SCAP: variants seen among roughly 807,000 people sequenced by gnomAD.
SCAP encodes the protein SREBF chaperone, also known as sterol regulatory element-binding protein cleavage-activating protein.
SCAP carries 65 observed loss-of-function variants against 123.6 expected under a neutral mutation model. The observed-to-expected ratio is 0.53, with a 90% CI of 0.43 to 0.65. The LOEUF (loss-of-function observed/expected upper bound fraction) is 0.65. SCAP is among the 30% of genes least tolerant of loss of function. The probability of loss-of-function intolerance (pLI) is 0.00; values close to 1 mark genes in which losing one functional copy is unlikely to be tolerated. For missense variants in SCAP, 1,398 were observed against 1,712.5 expected, an observed-to-expected ratio of 0.82 and a Z score of 3.24; for synonymous variants, 740 against 726.3, an observed-to-expected ratio of 1.02 and a Z score of -0.30.
At chr3:47,426,422 T>A (rs973904906) in intron 6 of SCAP, among the ~76,000 whole-genome samples, 3 of 152,082 alleles carry the variant, frequency 2.0e-5, no homozygotes, top group African/African-American at 7.2e-5. Context: ...ACACTCTCTT[T>A]TTTATTTATT....
At chr3:47,438,601 G>C (rs1365019491) in intron 2 of SCAP, among the ~76,000 whole-genome samples, 1 of 152,012 alleles carries the variant, frequency 6.6e-6, no homozygotes, top group Non-Finnish European at 1.5e-5. Context: ...GTCACGTGAG[G>C]TCAGGAGTTC....
At chr3:47,415,761 TTAC>T (rs937006436) in intron 18 of SCAP, among the ~76,000 whole-genome samples, 2 of 152,148 alleles carry the variant, frequency 1.3e-5, no homozygotes, top group African/African-American at 4.8e-5. Flanking sequence ...GTTCAAAATC[TTAC>T]TGCAGGGAAA....
rs1390354017 is a variant in SCAP at position 47,424,011 on chromosome 3, A to G, written c.1072T>C (p.Leu358=). ...IFPYLVVVIG[L]ENVLVLTKSV... The stretch of plus-strand genomic sequence containing the variant: ...TTGGTGAGCACCAACACATTCTCTA[A>G]CCCAATAACCACCACAAGGTAGGGG... Residue 358 remains leucine (L), a synonymous_variant, in exon 9 of 23, where the codon TTA becomes CTA. Coordinates refer to ENST00000265565, the MANE Select transcript of SCAP (RefSeq NM_012235.4). The G allele has an allele frequency of 2.5e-6, 4 of 1,614,056 alleles. No homozygotes were observed. In the Admixed American group the frequency reaches 5.0e-5, roughly 20 times the overall value.
Position 47,425,523 on chromosome 3 carries a change from G to A in SCAP, c.999C>T (p.Leu333=), listed in dbSNP as rs192143308. 3 of 1,614,026 alleles carry A rather than the reference G, an allele frequency of 1.9e-6. No homozygotes were observed. Among genetic ancestry groups the A allele is most frequent in the Non-Finnish European group, 2.5e-6 (3 of 1,180,048 alleles). ...TGGGCGTCAGGCCGAAGAGTGTGCA[G>A]AGTCCCACAGACATGAGCAGCGAGC... ...VLSSLLMSVG[L]CTLFGLTPTL... The change falls in exon 8 of 23, where the codon CTC becomes CTT. Residue 333 remains leucine (L), a synonymous_variant. Transcript: ENST00000265565.
In SCAP at chr3:47,449,450, G is replaced by C. The variant is rs1284550964; in HGVS notation, c.-98-6359C>G. ...ATCAAGGATTCCCTCCATGCTCCTG[G>C]GACCACAGTCCCTTTAAATAGAAGA... On this transcript the variant is annotated intron_variant, in intron 1 of 22. Transcript: ENST00000265565. Among the ~76,000 whole-genome samples the C allele has an allele frequency of 1.6e-5, 2 of 124,108 alleles. 1 individual carries two copies. Among genetic ancestry groups the C allele is most frequent in the Non-Finnish European group, 3.6e-5 (2 of 56,186 alleles). 81.4% of individuals were successfully genotyped at this position (124,108 alleles called of 152,430 possible).
intron 1 of SCAP, among the ~76,000 whole-genome samples, chr3:47,443,972 G>A (rs547247172): frequency 1.1e-4 from 17 of 152,312 alleles, no homozygotes; most frequent in African/African-American, 3.8e-4. Flanking sequence ...CTGCTCCCAA[G>A]ATCCCCAGGC....
At chr3:47,422,381 C>G in intron 10 of SCAP, 61 bp downstream of exon 10, 1 of 1,473,912 alleles carries the variant, frequency 6.8e-7, no homozygotes, top group East Asian at 2.3e-5. Context: ...CATGGCTGCA[C>G]AGCTGGGGAG....
Position 47,418,212 on chromosome 3 carries a change from A to G in SCAP, c.2369T>C (p.Val790Ala). ...ECLASDGMLL[V>A]SCCLAGHVCV... is the part of the protein sequence containing the mutation. Reference sequence around the variant, plus strand: ...GACGTGGCCTGCCAGGCAGCAGCTCACCAGCAGCATGCCGTCGCTGGCCAG... The same window carrying G: ...GACGTGGCCTGCCAGGCAGCAGCTCGCCAGCAGCATGCCGTCGCTGGCCAG... The change falls in exon 16 of 23, where the codon GTG becomes GCG. Residue 790 changes from valine to alanine, a missense_variant. Physicochemically the swap from Val to Ala is moderately conservative, Grantham distance 64 (BLOSUM62 0). Transcript: ENST00000265565. 1 of 1,574,342 alleles carries G rather than the reference A, an allele frequency of 6.4e-7. No homozygotes were observed. Among genetic ancestry groups the G allele is most frequent in the African/African-American group, 1.4e-5 (1 of 74,008 alleles).
chr3:47,466,604 G>T (rs1379801469), intron 1 of SCAP, among the ~76,000 whole-genome samples: 1 of 152,136 alleles, frequency 6.6e-6, no homozygotes, highest in Non-Finnish European at 1.5e-5. Flanking sequence ...ACACGCAAAA[G>T]TGAAGTTGGA....
chr3:47,457,863 C>T (rs1213091735), intron 1 of SCAP, among the ~76,000 whole-genome samples: 2 of 152,026 alleles, frequency 1.3e-5, no homozygotes, highest in African/African-American at 4.8e-5. Flanking sequence ...GCTGAGATGG[C>T]GCCACTGCAC....
At chr3:47,443,262 A>T (rs1706879033) in intron 1 of SCAP, 171 bp from the exon 2 acceptor site, 8 of 249,920 alleles carry the variant, frequency 3.2e-5, no homozygotes, top group African/African-American at 1.5e-4. Context: ...ACACACACAC[A>T]CACACACACA....
rs375622474 is a variant in SCAP at position 47,423,940 on chromosome 3, G to T, written c.1143C>A (p.Ile381=). Residue 381 remains isoleucine, a synonymous_variant, in exon 9 of 23, where the codon ATC becomes ATA. Transcript: ENST00000265565. ...TPVDLEVKLR[I]AQGLSSESWS... ...ACTCTCCCACTGCGTTACCTTGGGC[G>T]ATCCGCAGCTTCACCTCCAGGTCTA... 3.8e-5 allele frequency: 61 copies of T among 1,613,210 alleles called. No homozygotes were observed. Among genetic ancestry groups the T allele is most frequent in the Middle Eastern group, 1.6e-4 (1 of 6,068 alleles).
At chr3:47,475,272 G>A (rs1559577857) in intron 1 of SCAP, among the ~76,000 whole-genome samples, 2 of 152,126 alleles carry the variant, frequency 1.3e-5, no homozygotes, top group Admixed American at 6.6e-5. Context: ...TAAATACTGA[G>A]GTCATAAACC....
chr3:47,414,463 G>T, intron 21 of SCAP, 77 bp from the exon 22 acceptor site: 1 of 1,586,638 alleles, frequency 6.3e-7, no homozygotes, highest in African/African-American at 1.3e-5. Context: ...GTGCCCCAGT[G>T]GGTGGGGCCC....
Position 47,414,274 on chromosome 3 carries a change from G to C in SCAP, c.3500C>G (p.Thr1167Ser). 1.2e-6 allele frequency: 2 copies of C among 1,613,544 alleles called. No individual in the cohort carries two copies. The highest frequency in any genetic ancestry group is 2.2e-5 in the South Asian group (2 of 91,088). The change falls in exon 22 of 23, where the codon ACC becomes AGC. Residue 1167 changes from threonine to serine, a missense_variant. Physicochemically the swap from Thr to Ser is moderately conservative, Grantham distance 58. Around this residue, in one of 7 missense-constraint regions of SCAP, gnomAD observed 130 missense variants for 166.7 expected, o/e 0.78. Coordinates refer to ENST00000265565, the MANE Select transcript of SCAP (RefSeq NM_012235.4). Reference sequence around the variant, plus strand: ...GCTGATGACACAGGAGGTGGTACAGGTAAGGGAGGTGACATCCCCACGGTG... The same window carrying C: ...GCTGATGACACAGGAGGTGGTACAGCTAAGGGAGGTGACATCCCCACGGTG... ...FAHRGDVTSL[T>S]CTTSCVISSG...
chr3:47,461,549 G>A (rs1707641167), intron 1 of SCAP, among the ~76,000 whole-genome samples: 1 of 152,162 alleles, frequency 6.6e-6, no homozygotes, highest in South Asian at 2.1e-4. Flanking sequence ...GGAGAGATGG[G>A]ATCCTCCAGC....
At chr3:47,476,792 C>G (rs1425293178), upstream of SCAP, 1 of 153,780 alleles carries the variant, frequency 6.5e-6, no homozygotes, top group African/African-American at 2.4e-5. Flanking sequence ...CAGCTCTGGC[C>G]CAACTAGAGA....
At chr3:47,416,987 T>C (rs1404888095) in intron 18 of SCAP, 135 bp downstream of exon 18, 7 of 748,668 alleles carry the variant, frequency 9.3e-6, no homozygotes, top group Non-Finnish European at 1.5e-5. Context: ...CTCACAGGTG[T>C]GGAGCTGGGC....
intron 3 of SCAP, among the ~76,000 whole-genome samples, chr3:47,430,405 TG>T (rs1299929724): frequency 6.6e-6 from 1 of 152,098 alleles, no homozygotes; most frequent in Non-Finnish European, 1.5e-5. Flanking sequence ...CAAAACATGC[TG>T]GGTCAGCCAC....
Sources: gnomAD v4.1 joint callset for allele counts (sites outside exome capture counted in the v4.1 genomes callset) on GRCh38, gnomAD v4.1.1 for gene constraint, gnomAD v4.1.1 regional missense constraint, MANE v1.5 for transcripts, NCBI Gene and HGNC (gene_info 2026-07-23, HGNC 2026-07-21) for gene names.